Variants in UBE2QL1 observed in about 807,000 individuals in gnomAD.
UBE2QL1 encodes the protein ubiquitin conjugating enzyme E2 QL1, also known as ubiquitin-conjugating enzyme E2Q-like protein 1.
A neutral mutation model predicts 12.6 loss-of-function variants in UBE2QL1; 5 were observed. The observed-to-expected ratio is 0.40, with a 90% CI of 0.21 to 0.83. The LOEUF (loss-of-function observed/expected upper bound fraction) is 0.83, where lower values mean the gene tolerates loss of function less well. Among genes scored for constraint, UBE2QL1 ranks in the 40% least tolerant of loss-of-function variants. The pLI is 0.37. For missense variants in UBE2QL1, 99 were observed against 222.6 expected, an observed-to-expected ratio of 0.44 and a Z score of 3.53; for synonymous variants, 96 against 94.5, an observed-to-expected ratio of 1.02 and a Z score of -0.10.
intron 1 of UBE2QL1, among the ~76,000 whole-genome samples, chr5:6,480,856 A>G (rs1403883165): frequency 6.6e-6 from 1 of 152,164 alleles, no homozygotes; most frequent in Admixed American, 6.5e-5. Context: ...CAGTTTTAAG[A>G]AAGAGTTTCT....
chr5:6,464,899 G>A (rs1739752224), intron 1 of UBE2QL1, among the ~76,000 whole-genome samples: 1 of 152,180 alleles, frequency 6.6e-6, no homozygotes, highest in South Asian at 2.1e-4. Flanking sequence ...CAATTCAATG[G>A]ATTACCAATA....
chr5:6,492,005 T>G lies in UBE2QL1; in HGVS notation c.*656T>G, dbSNP rs1334790870. On this transcript the variant is annotated 3_prime_UTR_variant, in exon 2 of 2. Coordinates refer to ENST00000399816, the MANE Select transcript of UBE2QL1 (RefSeq NM_001145161.3). ...GTGAAAACGTGCTCTCGATGCTGAT[T>G]TGTGGTGTGCTGCTGTCCACAGATA... 6.6e-6 allele frequency: 1 copy of G among 152,250 alleles called. No homozygotes were observed. The highest frequency in any genetic ancestry group is 2.4e-5 in the African/African-American group (1 of 41,436). 9.4% of individuals were successfully genotyped at this position (152,250 alleles called of 1,614,324 possible).
At chr5:6,453,563 A>T (rs1161970841) in intron 1 of UBE2QL1, among the ~76,000 whole-genome samples, 1 of 152,214 alleles carries the variant, frequency 6.6e-6, no homozygotes, top group East Asian at 1.9e-4. Context: ...TTAATAAAGG[A>T]AACTTGTCTA....
At chr5:6,450,825 A>T (rs1198409816) in intron 1 of UBE2QL1, among the ~76,000 whole-genome samples, 3 of 152,204 alleles carry the variant, frequency 2.0e-5, no homozygotes, top group African/African-American at 7.2e-5. Flanking sequence ...CTCTAGAAAA[A>T]CATCTTCAGC....
Position 6,491,527 on chromosome 5 carries a change from G to A in UBE2QL1, c.*178G>A, listed in dbSNP as rs1734569981. On this transcript the variant is annotated 3_prime_UTR_variant, in exon 2 of 2. Coordinates refer to ENST00000399816, the MANE Select transcript of UBE2QL1 (RefSeq NM_001145161.3). ...ATGTGTGTACAGAGAGGAAGAGGGAGCAAATGCCGTTCGGATTATGTTTCG... is the reference window on the plus strand; with the variant it reads ...ATGTGTGTACAGAGAGGAAGAGGGAACAAATGCCGTTCGGATTATGTTTCG... The A allele has an allele frequency of 2.7e-6, 2 of 747,806 alleles. No individual in the cohort carries two copies. Among genetic ancestry groups the A allele is most frequent in the Non-Finnish European group, 3.9e-6 (2 of 515,918 alleles). The allele number at this position is 747,806 out of a possible 1,614,324, so 46.3% of individuals were successfully genotyped here.
intron 1 of UBE2QL1, among the ~76,000 whole-genome samples, chr5:6,454,702 G>A (rs977508981): frequency 6.6e-6 from 1 of 152,168 alleles, no homozygotes; most frequent in African/African-American, 2.4e-5. Context: ...CACACCCGGA[G>A]GGAAGCTAGA....
intron 1 of UBE2QL1, among the ~76,000 whole-genome samples, chr5:6,474,456 G>C (rs899806758): frequency 1.6e-4 from 25 of 152,312 alleles, no homozygotes; most frequent in African/African-American, 5.3e-4. Context: ...TGAGGCTTGG[G>C]TTGGTGAGGC....
rs1321354954 is a variant in UBE2QL1 at position 6,481,793 on chromosome 5, G to A, written c.355-9425G>A. 5.9e-5 allele frequency among the ~76,000 whole-genome samples: 9 copies of A among 152,120 alleles called. No individual in the cohort carries two copies. Among genetic ancestry groups the A allele is most frequent in the African/African-American group, 1.7e-4 (7 of 41,412 alleles). Reference sequence around the variant, plus strand: ...ACTGGACAACACCCCAAAACTGACCGCCATACCACCTCCCAAATGACCATC... The same window carrying A: ...ACTGGACAACACCCCAAAACTGACCACCATACCACCTCCCAAATGACCATC... On this transcript the variant is annotated intron_variant, in intron 1 of 1. Transcript: ENST00000399816. The surrounding 1 kb of genome is among the most constrained non-coding windows in gnomAD (Gnocchi z 4.5).
chr5:6,487,973 G>A (rs1734496541), intron 1 of UBE2QL1, among the ~76,000 whole-genome samples: 1 of 152,238 alleles, frequency 6.6e-6, no homozygotes, highest in Non-Finnish European at 1.5e-5. Flanking sequence ...AATGCAGGGA[G>A]TGGCTTCCAA....
At chr5:6,453,340 C>A (rs1228512921) in intron 1 of UBE2QL1, among the ~76,000 whole-genome samples, 1 of 152,190 alleles carries the variant, frequency 6.6e-6, no homozygotes, top group Non-Finnish European at 1.5e-5. Flanking sequence ...CAGGTGCCAT[C>A]CAAGCACCTT....
chr5:6,480,735 G>C (rs1469365361), intron 1 of UBE2QL1, among the ~76,000 whole-genome samples: 2 of 152,236 alleles, frequency 1.3e-5, no homozygotes, highest in Non-Finnish European at 2.9e-5. Context: ...TGCTGCCAGA[G>C]CTGGAGGATT....
intron 1 of UBE2QL1, among the ~76,000 whole-genome samples, chr5:6,473,464 C>A (rs1168982660): frequency 6.6e-6 from 1 of 152,220 alleles, no homozygotes; most frequent in Non-Finnish European, 1.5e-5. Context: ...ACCCGGAACA[C>A]ACACGCCTCC....
Position 6,491,858 on chromosome 5 carries a change from C to T in UBE2QL1, c.*509C>T. On this transcript the variant is annotated 3_prime_UTR_variant, in exon 2 of 2. Coordinates refer to ENST00000399816, the MANE Select transcript of UBE2QL1 (RefSeq NM_001145161.3). ...CAACATAACTTGAAAATGTGTCTTT[C>T]TGTGGCCCATGGTCCGCTGTGATGA... The T allele has an allele frequency of 6.5e-6, 1 of 152,924 alleles. No homozygotes were observed. The highest frequency in any genetic ancestry group is 1.9e-4 in the East Asian group (1 of 5,204). 9.5% of individuals were successfully genotyped at this position (152,924 alleles called of 1,614,324 possible).
chr5:6,488,653 G>T (rs1243463166), intron 1 of UBE2QL1, among the ~76,000 whole-genome samples: 2 of 151,696 alleles, frequency 1.3e-5, no homozygotes, highest in Non-Finnish European at 2.9e-5. Context: ...TTTTTTAACT[G>T]GCTGTATGTG....
chr5:6,483,425 T>A (rs1218825420), intron 1 of UBE2QL1, among the ~76,000 whole-genome samples: 1 of 143,546 alleles, frequency 7.0e-6, no homozygotes, highest in Non-Finnish European at 1.5e-5. Flanking sequence ...GGTGACAGAG[T>A]GAGACTCTGT....
Position 6,494,812 on chromosome 5 carries a change from ATAAC to A in UBE2QL1, c.*3469_*3472del, listed in dbSNP as rs1195297244. On this transcript the variant is annotated 3_prime_UTR_variant, in exon 2 of 2. Coordinates refer to ENST00000399816, the MANE Select transcript of UBE2QL1 (RefSeq NM_001145161.3). The stretch of plus-strand genomic sequence containing the variant: ...AACCAACTGACCCAAAAATCAACCA[ATAAC>A]TAACTGGCCATCTCTCCACTCACTC... The A allele has an allele frequency of 2.0e-5, 3 of 152,198 alleles. No homozygotes were observed. Among genetic ancestry groups the A allele is most frequent in the Non-Finnish European group, 2.9e-5 (2 of 68,036 alleles). The allele number at this position is 152,198 out of a possible 1,614,324, so 9.4% of individuals were successfully genotyped here. A position where few individuals can be genotyped will look rare whatever the true frequency, so the allele number is the denominator to read the frequency against.
intron 1 of UBE2QL1, among the ~76,000 whole-genome samples, chr5:6,473,689 G>C (rs913261693): frequency 6.6e-6 from 1 of 152,186 alleles, no homozygotes; most frequent in African/African-American, 2.4e-5. Flanking sequence ...TCCCAGTGAC[G>C]CAGAAAACCT....
chr5:6,462,699 C>A (rs1739699485), intron 1 of UBE2QL1, among the ~76,000 whole-genome samples: 1 of 152,318 alleles, frequency 6.6e-6, no homozygotes, highest in Admixed American at 6.5e-5. Context: ...TCAGCGTGCA[C>A]TTAGGGCAGA....
At chr5:6,455,113 T>A (rs1008873580) in intron 1 of UBE2QL1, among the ~76,000 whole-genome samples, 2 of 152,210 alleles carry the variant, frequency 1.3e-5, no homozygotes, top group African/African-American at 4.8e-5. Flanking sequence ...TGTATTTTTG[T>A]ATACTTTTCT....
Sources: gnomAD v4.1 joint callset for allele counts (sites outside exome capture counted in the v4.1 genomes callset) on GRCh38, gnomAD v4.1.1 for gene constraint, Gnocchi (gnomAD v3.1) non-coding constraint, MANE v1.5 for transcripts, NCBI Gene and HGNC (gene_info 2026-07-23, HGNC 2026-07-21) for gene names.